PGS1: variants seen among roughly 807,000 people sequenced by gnomAD.
PGS1 encodes CDP-diacylglycerol--glycerol-3-phosphate 3-phosphatidyltransferase, mitochondrial.
PGS1 carries 44 observed loss-of-function variants against 58.3 expected under a neutral mutation model. The observed-to-expected ratio is 0.75, with a 90% CI of 0.59 to 0.97. PGS1 has a LOEUF of 0.97. Among genes scored for constraint, PGS1 ranks in the 50% least tolerant of loss-of-function variants. The pLI is 0.00. For synonymous variants in PGS1, 330 were observed against 311.0 expected, an observed-to-expected ratio of 1.06 and a Z score of -0.64; for missense variants, 684 against 731.1, an observed-to-expected ratio of 0.94 and a Z score of 0.74.
chr17:78,421,895 A>AGCGGCGG (rs2085805373), intron 9 of PGS1: 1 of 143,010 alleles, frequency 7.0e-6, no homozygotes, highest in Non-Finnish European at 1.5e-5. Flanking sequence ...AGCAACAGAG[A>AGCGGCGG]GCAGCGGGCG....
chr17:78,409,192 C>T (rs2084414337), intron 7 of PGS1, among the ~76,000 whole-genome samples: 1 of 152,262 alleles, frequency 6.6e-6, no homozygotes, highest in African/African-American at 2.4e-5. Flanking sequence ...TGTGCTGAGC[C>T]AGGCTGTGTC....
chr17:78,406,170 T>C (rs1470239854), intron 7 of PGS1, among the ~76,000 whole-genome samples: 1 of 151,894 alleles, frequency 6.6e-6, no homozygotes, highest in Non-Finnish European at 1.5e-5. Flanking sequence ...TACAAAAAAT[T>C]AGCGGGGCGT....
chr17:78,399,326 C>G, intron 4 of PGS1, 22 bp from the exon 5 acceptor site: 2 of 1,601,316 alleles, frequency 1.2e-6, no homozygotes, highest in South Asian at 1.1e-5. Context: ...AGTCAGGTGC[C>G]GTTTTCTCTG....
At chr17:78,422,617 C>T (rs144475288) in intron 9 of PGS1, among the ~76,000 whole-genome samples, 4,221 of 135,904 alleles carry the variant, frequency 0.031, 81 homozygotes, top group Non-Finnish European at 0.052. Flanking sequence ...CCTGCCTCAG[C>T]CTCCTGAGTA....
intron 9 of PGS1, among the ~76,000 whole-genome samples, chr17:78,422,140 C>G (rs1400238252): frequency 6.6e-6 from 1 of 152,182 alleles, no homozygotes; most frequent in Non-Finnish European, 1.5e-5. Context: ...TTACCAGGGA[C>G]TGAAGTGAGT....
rs1319186556 is a variant in PGS1, at chr17:78,398,356, G to A, written c.511+5G>A. 6.9e-6 allele frequency: 11 copies of A among 1,605,644 alleles called. No homozygotes were observed. The highest frequency in any genetic ancestry group is 8.5e-6 in the Non-Finnish European group (10 of 1,172,570). On this transcript the variant is annotated splice_donor_5th_base_variant and intron_variant, in intron 4 of 9. Coordinates refer to ENST00000262764, the MANE Select transcript of PGS1 (RefSeq NM_024419.5). ...ACTTCACGCGGGGCTCACGAGGTAG[G>A]TGGCATGCAAGCCTGGCCCCTCCTG...
At chr17:78,410,873 G>A (rs1044965795) in intron 7 of PGS1, among the ~76,000 whole-genome samples, 2 of 152,140 alleles carry the variant, frequency 1.3e-5, no homozygotes, top group African/African-American at 4.8e-5. Flanking sequence ...AATACCAGCT[G>A]TGTCCCAGGC....
chr17:78,383,731 G>A (rs1170550190), intron 1 of PGS1, among the ~76,000 whole-genome samples: 1 of 152,168 alleles, frequency 6.6e-6, no homozygotes, highest in African/African-American at 2.4e-5. Flanking sequence ...TAGAATCAAA[G>A]CATAGTTTTG....
chr17:78,406,612 C>T (rs774044718), intron 7 of PGS1, among the ~76,000 whole-genome samples: 6 of 152,244 alleles, frequency 3.9e-5, no homozygotes, highest in Non-Finnish European at 7.3e-5. Context: ...CTGAACCAGG[C>T]TGGTGGTCAG....
At chr17:78,418,759 C>T (rs968637246) in intron 8 of PGS1, among the ~76,000 whole-genome samples, 1 of 152,168 alleles carries the variant, frequency 6.6e-6, no homozygotes, top group African/African-American at 2.4e-5. Context: ...GATGACTTGT[C>T]CCCCTTGCCC....
chr17:78,424,610 GTTT>G lies in PGS1; in HGVS notation c.*563_*565del, dbSNP rs138520695. 379 of 155,934 alleles carry G rather than the reference GTTT, an allele frequency of 2.4e-3. 14 individuals carry two copies. The East Asian group carries it at 0.05, about 21-fold the overall frequency. 9.7% of individuals were successfully genotyped at this position (155,934 alleles called of 1,614,324 possible). ...ATTTCTACTCGCCCTATTTAATGGT[GTTT>G]TTATTTCCTGTCTGAAATCTCAAAA... On this transcript the variant is annotated 3_prime_UTR_variant, in exon 10 of 10. Coordinates refer to ENST00000262764, the MANE Select transcript of PGS1 (RefSeq NM_024419.5).
At chr17:78,402,415 TATATATATATATACAC>T (rs1267236266) in intron 6 of PGS1, among the ~76,000 whole-genome samples, 208 of 15,956 alleles carry the variant, frequency 0.013, 1 homozygote, top group African/African-American at 0.048. Context: ...TATATATATA[TATATATATATATACAC>T]ACACACACAC....
In PGS1 at chr17:78,420,256, G is replaced by C. The variant is rs184993906; in HGVS notation, c.*10+581G>C. ...CTCTGGAAGTTGAGTAACAGGACCT[G>C]CTCTGCCCACCCAGGAGGGGCCTGC... On this transcript the variant is annotated intron_variant, in intron 9 of 9. Transcript: ENST00000262764. 7.2e-4 allele frequency: 708 copies of C among 985,652 alleles called. 4 individuals are homozygous for C. In the African/African-American group the frequency reaches 0.011, roughly 16 times the overall value. 61.1% of individuals were successfully genotyped at this position (985,652 alleles called of 1,614,324 possible). A position where few individuals can be genotyped will look rare whatever the true frequency, so the allele number is the denominator to read the frequency against.
At chr17:78,423,688 G>A (rs2086185589) in intron 9 of PGS1, 3 of 576,054 alleles carry the variant, frequency 5.2e-6, no homozygotes, top group East Asian at 3.0e-5. Flanking sequence ...CAGAATGGAT[G>A]GGCACAGCTG....
At chr17:78,413,385 A>G (rs2084894480) in intron 7 of PGS1, among the ~76,000 whole-genome samples, 1 of 152,142 alleles carries the variant, frequency 6.6e-6, no homozygotes, top group Non-Finnish European at 1.5e-5. Flanking sequence ...TTGACACCCC[A>G]TGGGGAGGGG....
chr17:78,398,435 C>A, intron 4 of PGS1, 84 bp downstream of exon 4: 1 of 919,786 alleles, frequency 1.1e-6, no homozygotes, highest in Non-Finnish European at 1.8e-6. Context: ...CCCCTCATCC[C>A]CAGGCAGAGT....
At chr17:78,423,484 G>T (rs2086143951) in intron 9 of PGS1, among the ~76,000 whole-genome samples, 1 of 152,192 alleles carries the variant, frequency 6.6e-6, no homozygotes, top group African/African-American at 2.4e-5. Flanking sequence ...CAGGTGGTTT[G>T]CATGAAGCAT....
intron 7 of PGS1, among the ~76,000 whole-genome samples, chr17:78,405,289 C>G (rs992110450): frequency 6.6e-6 from 1 of 152,236 alleles, no homozygotes; most frequent in African/African-American, 2.4e-5. Flanking sequence ...AGCCACTGCG[C>G]CCGGCTGGCA....
At chr17:78,384,291 G>A (rs373986081) in intron 1 of PGS1, among the ~76,000 whole-genome samples, 2 of 152,108 alleles carry the variant, frequency 1.3e-5, no homozygotes, top group South Asian at 2.1e-4. Context: ...TCCCTTACTC[G>A]GGGTTAGGTC....
Sources: gnomAD v4.1 joint callset for allele counts (sites outside exome capture counted in the v4.1 genomes callset) on GRCh38, gnomAD v4.1.1 for gene constraint, MANE v1.5 for transcripts, NCBI Gene and HGNC (gene_info 2026-07-23, HGNC 2026-07-21) for gene names.